The following MDGA2 variants were observed in gnomAD, a reference collection of about 807,000 sequenced individuals.
MDGA2 encodes the protein MAM domain-containing glycosylphosphatidylinositol anchor protein 2.
In MDGA2, 40 loss-of-function variants were observed where a neutral mutation model predicts 117.8. The observed-to-expected ratio is 0.34, with a 90% CI of 0.26 to 0.44. The LOEUF (loss-of-function observed/expected upper bound fraction) is 0.44, where lower values mean the gene tolerates loss of function less well. Ranked by LOEUF, MDGA2 falls within the 20% of genes least tolerant of loss-of-function variation. MDGA2 has a pLI of 1.00. For synonymous variants in MDGA2, 452 were observed against 439.0 expected (o/e 1.03, Z -0.37); for missense variants, 1,123 against 1,250.6 (o/e 0.90, Z 1.54).
At chr14:47,188,432 G>C (rs1489041938) in intron 3 of MDGA2, among the ~76,000 whole-genome samples, 1 of 152,176 alleles carries the variant, frequency 6.6e-6, no homozygotes, top group Non-Finnish European at 1.5e-5. Context: ...GGGAACAGCA[G>C]TTGAAGCCCA....
At chr14:47,072,110 G>T (rs906027167) in intron 6 of MDGA2, among the ~76,000 whole-genome samples, 4 of 130,376 alleles carry the variant, frequency 3.1e-5, no homozygotes, top group Admixed American at 2.3e-4. Flanking sequence ...TTGGGGGGGG[G>T]GGGGTTTGCA....
intron 9 of MDGA2, among the ~76,000 whole-genome samples, chr14:46,935,481 A>C (rs1884746443): frequency 6.6e-6 from 1 of 152,152 alleles, no homozygotes; most frequent in Non-Finnish European, 1.5e-5. Context: ...CTAAATACAC[A>C]AGATATACAA....
chr14:47,524,731 T>G (rs1288540580), intron 1 of MDGA2, among the ~76,000 whole-genome samples: 1 of 152,226 alleles, frequency 6.6e-6, no homozygotes, highest in Non-Finnish European at 1.5e-5. Context: ...GGCTTTCTCA[T>G]GTGCACAATC....
At chr14:47,130,905 T>C (rs566295172) in intron 5 of MDGA2, among the ~76,000 whole-genome samples, 1 of 152,224 alleles carries the variant, frequency 6.6e-6, no homozygotes, top group African/African-American at 2.4e-5. Flanking sequence ...TAAAAACTTA[T>C]ATACCTAATG....
chr14:46,877,436 T>A, intron 12 of MDGA2, 53 bp downstream of exon 12: 1 of 1,015,072 alleles, frequency 9.9e-7, no homozygotes, highest in Non-Finnish European at 1.4e-6. Context: ...ATAAACATTA[T>A]ATTTTTGTAT....
At chr14:47,040,588 A>G (rs945276642) in intron 7 of MDGA2, among the ~76,000 whole-genome samples, 2 of 152,132 alleles carry the variant, frequency 1.3e-5, no homozygotes, top group Non-Finnish European at 2.9e-5. Context: ...AGTTTCACCA[A>G]CTAGTTAACC....
At chr14:47,098,728 A>G (rs77096351) in intron 5 of MDGA2, among the ~76,000 whole-genome samples, 22,910 of 151,768 alleles carry the variant, frequency 0.15, 1,830 homozygotes, top group Admixed American at 0.2. Context: ...CTCAACATTT[A>G]TATCATATTA....
intron 6 of MDGA2, among the ~76,000 whole-genome samples, chr14:47,088,627 T>A (rs1156910515): frequency 6.6e-6 from 1 of 152,194 alleles, no homozygotes; most frequent in Non-Finnish European, 1.5e-5. Flanking sequence ...CAAATCATTC[T>A]GGGAAATTGC....
At chr14:47,198,368 C>A in intron 3 of MDGA2, among the ~76,000 whole-genome samples, 1 of 152,078 alleles carries the variant, frequency 6.6e-6, no homozygotes, top group East Asian at 1.9e-4. Flanking sequence ...GTCAGGAGAT[C>A]GAGACCATGA....
intron 2 of MDGA2, among the ~76,000 whole-genome samples, chr14:47,262,655 TA>T (rs1887835234): frequency 6.6e-6 from 1 of 152,120 alleles, no homozygotes; most frequent in African/African-American, 2.4e-5. Flanking sequence ...TTGAGCAAAG[TA>T]CAGTCAAAAG....
At chr14:47,103,028 CT>C (rs1274371040) in intron 5 of MDGA2, among the ~76,000 whole-genome samples, 2 of 152,074 alleles carry the variant, frequency 1.3e-5, no homozygotes, top group African/African-American at 2.4e-5. Flanking sequence ...GAAAGCACCC[CT>C]ATCAATCAAG....
At chr14:47,269,416 AT>A (rs1385562486) in intron 2 of MDGA2, among the ~76,000 whole-genome samples, 1 of 152,146 alleles carries the variant, frequency 6.6e-6, no homozygotes, top group Non-Finnish European at 1.5e-5. Flanking sequence ...TGAGTGTATA[AT>A]TTGTATTTCT....
rs552720969 is a variant in MDGA2, at chr14:46,924,730, C to T, written c.2090-4570G>A. On this transcript the variant is annotated intron_variant, in intron 9 of 16. Coordinates refer to ENST00000399232, the MANE Select transcript of MDGA2 (RefSeq NM_001113498.3). ...CAACAAATTCTGATACAGTTGGTGG[C>T]ATAATTGACTCAAAACAAGAACAAA... 8.6e-5 allele frequency among the ~76,000 whole-genome samples: 13 copies of T among 151,812 alleles called. No homozygotes were observed. In the South Asian group the frequency reaches 2.1e-3, roughly 24 times the overall value.
At chr14:47,248,861 T>A (rs527521237) in intron 2 of MDGA2, among the ~76,000 whole-genome samples, 175 of 152,026 alleles carry the variant, frequency 1.2e-3, no homozygotes, top group African/African-American at 4.1e-3. Context: ...CAGAAAAAAA[T>A]TAGTATATTT....
intron 4 of MDGA2, 104 bp from the exon 5 acceptor site, chr14:47,131,950 A>AGAATAT (rs1882227905): frequency 1.1e-6 from 1 of 873,484 alleles, no homozygotes; most frequent in Non-Finnish European, 1.6e-6. Flanking sequence ...TATTATTATC[A>AGAATAT]GAATATGACA....
chr14:47,624,929 TATC>T (rs1897114252), intron 1 of MDGA2, among the ~76,000 whole-genome samples: 1 of 152,326 alleles, frequency 6.6e-6, no homozygotes, highest in Admixed American at 6.5e-5. Flanking sequence ...TTTCTATTAG[TATC>T]ATAATTAAAT....
intron 3 of MDGA2, among the ~76,000 whole-genome samples, chr14:47,161,530 T>C (rs773757544): frequency 6.6e-6 from 1 of 151,794 alleles, no homozygotes; most frequent in Non-Finnish European, 1.5e-5. Context: ...CTTAATGTAA[T>C]TATTTTTCTA....
chr14:47,312,757 T>C (rs1255459340), intron 1 of MDGA2, among the ~76,000 whole-genome samples: 1 of 140,776 alleles, frequency 7.1e-6, no homozygotes, highest in Non-Finnish European at 1.5e-5. Flanking sequence ...CTTGAACTCC[T>C]AGCCTCATAT....
At chr14:47,085,888 T>C (rs1303506472) in intron 6 of MDGA2, among the ~76,000 whole-genome samples, 2 of 152,034 alleles carry the variant, frequency 1.3e-5, no homozygotes, top group Non-Finnish European at 2.9e-5. Context: ...TGGCTTCTCC[T>C]GAGTTATTTA....
Sources: allele counts gnomAD v4.1 joint callset (sites outside exome capture counted in the v4.1 genomes callset), GRCh38; gene constraint gnomAD v4.1.1; transcripts MANE v1.5; gene names NCBI Gene and HGNC (gene_info 2026-07-23, HGNC 2026-07-21).